IZUMO1: variants seen among roughly 807,000 people sequenced by gnomAD.
The protein encoded by IZUMO1 is izumo sperm-egg fusion protein 1.
A neutral mutation model predicts 40.7 loss-of-function variants in IZUMO1; 44 were observed. The ratio of observed to expected loss-of-function variants is 1.08; its 90% CI spans 0.85 to 1.39. The LOEUF (loss-of-function observed/expected upper bound fraction) is 1.39, where lower values mean the gene tolerates loss of function less well. Ranked by LOEUF, IZUMO1 falls within the 40% of genes most tolerant of loss-of-function variation. IZUMO1 has a pLI of 0.00. For synonymous variants in IZUMO1, 149 were observed against 170.9 expected (o/e 0.87, Z 1.00); for missense variants, 368 against 436.9 (o/e 0.84, Z 1.41).
chr19:48,743,213 A>C (rs2033773083), intron 6 of IZUMO1: 1 of 549,050 alleles, frequency 1.8e-6, no homozygotes. Context: ...TTTTTTGTAG[A>C]GATAGAGTCT....
At chr19:48,744,220 A>G in intron 4 of IZUMO1, 25 bp from the exon 5 acceptor site, 1 of 1,609,082 alleles carries the variant, frequency 6.2e-7, no homozygotes. Context: ...AAAAAAAGAG[A>G]GCAAGAAAGA....
chr19:48,743,174 G>A (rs544108459), intron 6 of IZUMO1: 23 of 440,128 alleles, frequency 5.2e-5, no homozygotes, highest in Non-Finnish European at 8.0e-5. Flanking sequence ...CTACAGGAAC[G>A]CAACACCACA....
At chr19:48,744,648 A>G in intron 3 of IZUMO1, 109 bp from the exon 4 acceptor site, 1 of 753,120 alleles carries the variant, frequency 1.3e-6, no homozygotes, top group Admixed American at 2.1e-5. Flanking sequence ...AGGGCGCTAC[A>G]ACTGACCGTC....
chr19:48,742,055 C>T (rs2033717370), intron 7 of IZUMO1, 113 bp from the exon 8 acceptor site: 2 of 1,527,946 alleles, frequency 1.3e-6, no homozygotes, highest in South Asian at 2.5e-5. Context: ...CAGGGTGTCA[C>T]TGGTCAGGGC....
At position 48,741,020 on chromosome 19, in the gene IZUMO1, C is replaced by T. The variant is rs375884119; in HGVS notation, c.941G>A (p.Arg314His). ...GATGAAATCGATCACCTTCCTTCGA[C>T]GAAATATCCTAGGGGTGGGAGTGGG... Reference protein sequence around the residue: ...LITGLTFAIFRRRKVIDFIKS... With the variant: ...LITGLTFAIFHRRKVIDFIKS... The change falls in exon 10 of 10, where the codon CGT becomes CAT. Residue 314 changes from arginine (R) to histidine (H), a missense_variant. Arg to His is a conservative substitution (Grantham distance 29). Transcript: ENST00000332955. This position sits in a 1 kb window ranked among gnomAD's most constrained non-coding sequence, Gnocchi z 4.4. The T allele has an allele frequency of 6.2e-7, 1 of 1,613,858 alleles. No individual in the cohort carries two copies. Among genetic ancestry groups the T allele is most frequent in the African/African-American group, 1.3e-5 (1 of 74,914 alleles).
chr19:48,742,104 G>C (rs779758059), intron 7 of IZUMO1, 105 bp downstream of exon 7: 124 of 1,477,658 alleles, frequency 8.4e-5, no homozygotes, highest in Non-Finnish European at 1.1e-4. Flanking sequence ...ACACCTAATA[G>C]ACCACCCTCC....
In IZUMO1 at chr19:48,745,803, G is replaced by C; in HGVS notation, c.57C>G (p.Ala19=). Reference sequence around the variant, plus strand: ...ACGGGTCACATATAACACACCCCTCGGCAGGAAGCAAGCAACCGGCCAGCG... The same window carrying C: ...ACGGGTCACATATAACACACCCCTCCGCAGGAAGCAAGCAACCGGCCAGCG... ...CAALAGCLLP[A]EGCVICDPSV... The change falls in exon 2 of 10, where the codon GCC becomes GCG. Residue 19 remains alanine, a synonymous_variant. Transcript: ENST00000332955. The C allele has an allele frequency of 6.2e-7, 1 of 1,614,134 alleles. No individual in the cohort carries two copies. Among genetic ancestry groups the C allele is most frequent in the South Asian group, 1.1e-5 (1 of 91,076 alleles).
Position 48,745,933 on chromosome 19 carries a change from C to G in IZUMO1, c.-73-1G>C. 1 of 1,587,354 alleles carries G rather than the reference C, an allele frequency of 6.3e-7. No individual in the cohort carries two copies. Among genetic ancestry groups the G allele is most frequent in the Non-Finnish European group, 8.6e-7 (1 of 1,164,520 alleles). On this transcript the variant is annotated splice_acceptor_variant, in intron 1 of 9. Coordinates refer to ENST00000332955, the MANE Select transcript of IZUMO1 (RefSeq NM_182575.3). LOFTEE classifies it low-confidence loss of function (5UTR_SPLICE). ...ACCCCAAACCGAGAGCAGGAGAACG[C>G]TAAACGGAGAAAAGCCAAAATCCAT...
rs925595679 is a variant in IZUMO1 at position 48,741,195 on chromosome 19, C to T, written c.932+106G>A. ...CCCCGCACTCCATCCCCAGGAAAGT[C>T]CTGCTCTCAGGCCTCAGTAGCCCCC... On this transcript the variant is annotated intron_variant, in intron 9 of 9. Coordinates refer to ENST00000332955, the MANE Select transcript of IZUMO1 (RefSeq NM_182575.3). The surrounding 1 kb of genome is among the most constrained non-coding windows in gnomAD (Gnocchi z 4.4). 1.7e-5 allele frequency: 24 copies of T among 1,442,976 alleles called. No homozygotes were observed. The African/African-American group carries it at 2.4e-4, about 14-fold the overall frequency. 89.4% of individuals were successfully genotyped at this position (1,442,976 alleles called of 1,614,324 possible). A position where few individuals can be genotyped will look rare whatever the true frequency, so the allele number is the denominator to read the frequency against.
rs2033870754 is a variant in IZUMO1, at chr19:48,745,871, C to T, written c.-12G>A. ...AAATGCGGCCCCATTGCAGCCGGCG[C>T]GCACAGTTCCCGAAGACCGTTAGGA... On this transcript the variant is annotated 5_prime_UTR_variant, in exon 2 of 10. Transcript: ENST00000332955. 2 of 1,613,954 alleles carry T rather than the reference C, an allele frequency of 1.2e-6. No homozygotes were observed. The highest frequency in any genetic ancestry group is 1.7e-5 in the Admixed American group (1 of 60,018).
intron 7 of IZUMO1, 34 bp downstream of exon 7, chr19:48,742,175 G>T (rs369730028): frequency 9.1e-6 from 14 of 1,539,520 alleles, no homozygotes; most frequent in Middle Eastern, 1.7e-4. Flanking sequence ...TGTAGTCTAG[G>T]GAGTTCAAGG....
rs1450376082 is a variant in IZUMO1 at position 48,746,682 on chromosome 19, G to C, written c.-321C>G. ...AGGGTTCATTGAGGAGCCCGGTCCA[G>C]GTTCTGAGGGCTTTTAAAGAGGAAG... On this transcript the variant is annotated 5_prime_UTR_variant, in exon 1 of 10. Transcript: ENST00000332955. 1.0e-6 allele frequency: 1 copy of C among 985,402 alleles called. No individual in the cohort carries two copies. Among genetic ancestry groups the C allele is most frequent in the Non-Finnish European group, 1.2e-6 (1 of 829,962 alleles). The allele number at this position is 985,402 out of a possible 1,614,324, so 61.0% of individuals were successfully genotyped here. A position where few individuals can be genotyped will look rare whatever the true frequency, so the allele number is the denominator to read the frequency against.
At chr19:48,746,057 T>C in intron 1 of IZUMO1, 125 bp from the exon 2 acceptor site, 1 of 1,425,120 alleles carries the variant, frequency 7.0e-7, no homozygotes, top group Non-Finnish European at 9.1e-7. Context: ...ATGTCCTTCA[T>C]CAAATGCCTC....
rs375548584 is a variant in IZUMO1, at chr19:48,744,242, C to T, written c.398-47G>A. 8.8e-6 allele frequency: 14 copies of T among 1,583,246 alleles called. No homozygotes were observed. In the African/African-American group the frequency reaches 1.6e-4, roughly 18 times the overall value. Reference sequence around the variant, plus strand: ...GAGAGCAAGAAAGAGATGACAGAGTCAGATTTCTAAATGAAAGACGATGGA... The same window carrying T: ...GAGAGCAAGAAAGAGATGACAGAGTTAGATTTCTAAATGAAAGACGATGGA... On this transcript the variant is annotated intron_variant, in intron 4 of 9. Transcript: ENST00000332955.
chr19:48,743,762 G>A (rs898366874), intron 5 of IZUMO1: 41 of 550,714 alleles, frequency 7.4e-5, no homozygotes, highest in African/African-American at 7.0e-4. Flanking sequence ...GGAGGCCGAG[G>A]CGGGCGGATC....
intron 2 of IZUMO1, 37 bp downstream of exon 2, chr19:48,745,588 C>G (rs761332695): frequency 1.9e-6 from 3 of 1,610,408 alleles, no homozygotes; most frequent in Non-Finnish European, 2.5e-6. Flanking sequence ...CCCTCCTTTC[C>G]CAGGACCCAG....
At chr19:48,744,129 T>C (rs1212513305) in intron 5 of IZUMO1, 46 bp downstream of exon 5, 3 of 1,581,380 alleles carry the variant, frequency 1.9e-6, no homozygotes, top group Non-Finnish European at 2.6e-6. Flanking sequence ...GGAGGTTGAC[T>C]ATTCAGAGGG....
chr19:48,745,325 C>G (rs1568487865), intron 2 of IZUMO1, 37 bp from the exon 3 acceptor site: 3 of 1,566,072 alleles, frequency 1.9e-6, no homozygotes, highest in South Asian at 1.1e-5. Flanking sequence ...TCCAGCCTTA[C>G]TGTCTCATTG....
intron 6 of IZUMO1, 122 bp downstream of exon 6, chr19:48,743,323 C>G: frequency 1.2e-6 from 1 of 867,914 alleles, no homozygotes; most frequent in East Asian, 2.6e-5. Context: ...CTGCACCTGG[C>G]CTAAACCCTA....
Sources: allele counts gnomAD v4.1 joint callset, GRCh38; gene constraint gnomAD v4.1.1; non-coding constraint Gnocchi (gnomAD v3.1); transcripts MANE v1.5; gene names NCBI Gene and HGNC (gene_info 2026-07-23, HGNC 2026-07-21).